Variants in NFASC observed in about 807,000 individuals in gnomAD.
NFASC encodes neurofascin homolog.
In NFASC, 43 loss-of-function variants were observed where a neutral mutation model predicts 147.5. The ratio of observed to expected loss-of-function variants is 0.29; its 90% CI spans 0.23 to 0.38. The LOEUF (loss-of-function observed/expected upper bound fraction) is 0.38. Ranked by LOEUF, NFASC falls within the 10% of genes least tolerant of loss-of-function variation. The probability of loss-of-function intolerance (pLI) is 1.00; values close to 1 mark genes in which losing one functional copy is unlikely to be tolerated. For synonymous variants in NFASC, 622 were observed against 665.5 expected, an observed-to-expected ratio of 0.93 and a Z score of 1.01; for missense variants, 1,320 against 1,689.0, an observed-to-expected ratio of 0.78 and a Z score of 3.83.
intron 2 of NFASC, among the ~76,000 whole-genome samples, chr1:204,924,258 C>T (rs1263104804): frequency 6.6e-6 from 1 of 152,162 alleles, no homozygotes; most frequent in Non-Finnish European, 1.5e-5. Flanking sequence ...TGGATCCAGA[C>T]TGATGTCTGT....
chr1:204,982,856 T>A (rs2095536226), intron 21 of NFASC, among the ~76,000 whole-genome samples: 1 of 151,752 alleles, frequency 6.6e-6, no homozygotes, highest in Non-Finnish European at 1.5e-5. Context: ...CAGTCTTGAG[T>A]GGGGGAACTT....
intron 25 of NFASC, chr1:204,998,730 TAA>T (rs59946641): frequency 0.98 from 149,108 of 152,288 alleles, 73,017 homozygotes; most frequent in East Asian, 1. Context: ...TCTTTTTCAT[TAA>T]AAAGTGGGGC....
chr1:204,997,291 T>C lies in NFASC; in HGVS notation c.2904T>C (p.Pro968=), dbSNP rs767845927. The C allele has an allele frequency of 8.7e-6, 14 of 1,608,236 alleles. No homozygotes were observed. The highest frequency in any genetic ancestry group is 1.2e-5 in the Non-Finnish European group (14 of 1,177,502). The part of the protein sequence containing the change: ...TTVPIIPTVA[P]TTIATTTTVA... ...TCCCCATCATCCCAACTGTCGCACC[T>C]ACCACCATCGCCACCACCACCACCG... The change falls in exon 25 of 30, where the codon CCT becomes CCC. Residue 968 remains proline (P), a synonymous_variant. Coordinates refer to ENST00000339876, the MANE Select transcript of NFASC (RefSeq NM_001005388.3).
intron 8 of NFASC, among the ~76,000 whole-genome samples, chr1:204,967,575 C>T (rs182076474): frequency 6.6e-6 from 1 of 152,072 alleles, no homozygotes; most frequent in Non-Finnish European, 1.5e-5. Context: ...CACCCCCTCC[C>T]CGAGCAGCTC....
intron 1 of NFASC, among the ~76,000 whole-genome samples, chr1:204,901,690 G>C (rs1572734924): frequency 6.6e-6 from 1 of 152,256 alleles, no homozygotes; most frequent in African/African-American, 2.4e-5. Context: ...AGTAGCCCGA[G>C]GGGAGAGTGG....
chr1:204,865,120 GC>G (rs1478078402), intron 1 of NFASC, among the ~76,000 whole-genome samples: 2 of 152,080 alleles, frequency 1.3e-5, no homozygotes, highest in African/African-American at 4.8e-5. Flanking sequence ...ATATATTAGT[GC>G]CCCTTTATCC....
At position 204,828,664 on chromosome 1, in the gene NFASC, G is replaced by A; in HGVS notation, c.-318G>A. ...GCCGCCCGGGGACGCGCACGGGCTG[G>A]TCTCTGCCCTAATGCGGCGGCTGGC... On this transcript the variant is annotated 5_prime_UTR_variant, in exon 1 of 30. Coordinates refer to ENST00000339876, the MANE Select transcript of NFASC (RefSeq NM_001005388.3). 1 of 985,296 alleles carries A rather than the reference G, an allele frequency of 1.0e-6. No homozygotes were observed. The highest frequency in any genetic ancestry group is 1.2e-6 in the Non-Finnish European group (1 of 829,942). The allele number at this position is 985,296 out of a possible 1,614,324, so 61.0% of individuals were successfully genotyped here.
At chr1:205,005,360 C>T (rs1002984250) in intron 27 of NFASC, among the ~76,000 whole-genome samples, 1 of 152,208 alleles carries the variant, frequency 6.6e-6, no homozygotes, top group African/African-American at 2.4e-5. Context: ...GAGCTGTCTG[C>T]TTTGCAGGTG....
At chr1:205,014,507 CCCT>C (rs2096310919) in intron 29 of NFASC, among the ~76,000 whole-genome samples, 1 of 152,204 alleles carries the variant, frequency 6.6e-6, no homozygotes, top group Non-Finnish European at 1.5e-5. Context: ...CCATGGGGCA[CCCT>C]CTGTTTTTCT....
At chr1:204,865,447 G>A (rs2077030781) in intron 1 of NFASC, among the ~76,000 whole-genome samples, 1 of 152,202 alleles carries the variant, frequency 6.6e-6, no homozygotes, top group African/African-American at 2.4e-5. Flanking sequence ...GGGGACTACT[G>A]TAGTGTGAGG....
chr1:205,011,207 ACC>A (rs10628542), intron 28 of NFASC, among the ~76,000 whole-genome samples: 1 of 143,090 alleles, frequency 7.0e-6, no homozygotes, highest in Admixed American at 7.0e-5. Context: ...CTCCCCCAGG[ACC>A]CCCCCCAAAA....
chr1:204,892,476 A>T (rs977013277), intron 1 of NFASC, among the ~76,000 whole-genome samples: 2 of 152,240 alleles, frequency 1.3e-5, no homozygotes, highest in African/African-American at 4.8e-5. Context: ...GCCCCAGTAC[A>T]GCTGGATGAT....
At chr1:204,865,319 A>G (rs2077021885) in intron 1 of NFASC, among the ~76,000 whole-genome samples, 1 of 152,244 alleles carries the variant, frequency 6.6e-6, no homozygotes. Flanking sequence ...AATAAAAGTC[A>G]TGTGAATGTA....
In NFASC at chr1:204,987,251, A is replaced by G; in HGVS notation, c.2471-167A>G. On this transcript the variant is annotated intron_variant, in intron 21 of 29. Transcript: ENST00000339876. The surrounding 1 kb of genome is among the most constrained non-coding windows in gnomAD (Gnocchi z 4.4). ...AGGAAATAGCATCCTGGATGGGGCAATGGGCTCCGGTCGTCTCACGGTTCT... is the reference window on the plus strand; with the variant it reads ...AGGAAATAGCATCCTGGATGGGGCAGTGGGCTCCGGTCGTCTCACGGTTCT... 1.6e-6 allele frequency: 1 copy of G among 636,782 alleles called. No individual in the cohort carries two copies. Among genetic ancestry groups the G allele is most frequent in the Middle Eastern group, 4.3e-4 (1 of 2,350 alleles). The allele number at this position is 636,782 out of a possible 1,614,324, so 39.4% of individuals were successfully genotyped here.
rs529227872 is a variant in NFASC at position 205,009,867 on chromosome 1, A to G, written c.3421+179A>G. 176 of 699,466 alleles carry G rather than the reference A, an allele frequency of 2.5e-4. 1 individual carries two copies. In the African/African-American group the frequency reaches 2.9e-3, roughly 11 times the overall value. 43.3% of individuals were successfully genotyped at this position (699,466 alleles called of 1,614,324 possible). A position where few individuals can be genotyped will look rare whatever the true frequency, so the allele number is the denominator to read the frequency against. ...AGACTGCCAGCGAGCACTTGAGTTAATTAAGTTCGCCTGAGTTGGGCGGAT... is the reference window on the plus strand; with the variant it reads ...AGACTGCCAGCGAGCACTTGAGTTAGTTAAGTTCGCCTGAGTTGGGCGGAT... On this transcript the variant is annotated intron_variant, in intron 28 of 29. Transcript: ENST00000339876.
chr1:204,871,037 G>A, intron 1 of NFASC: 1 of 1,289,840 alleles, frequency 7.8e-7, no homozygotes, highest in Non-Finnish European at 1.0e-6. Context: ...AGAAGACGCT[G>A]GATGAACCAG....
intron 1 of NFASC, among the ~76,000 whole-genome samples, chr1:204,831,850 C>T (rs1389861425): frequency 6.6e-6 from 1 of 152,102 alleles, no homozygotes; most frequent in African/African-American, 2.4e-5. Context: ...AGCTAGGGTC[C>T]AATCTCTCCG....
At chr1:204,873,793 C>A (rs1218745767) in intron 1 of NFASC, among the ~76,000 whole-genome samples, 1 of 152,180 alleles carries the variant, frequency 6.6e-6, no homozygotes, top group Non-Finnish European at 1.5e-5. Context: ...GTAGCTTTTA[C>A]TTCCCCTCTG....
chr1:204,844,078 G>A (rs916778583), intron 1 of NFASC, among the ~76,000 whole-genome samples: 2 of 152,182 alleles, frequency 1.3e-5, no homozygotes, highest in African/African-American at 2.4e-5. Context: ...CAATGCCAGA[G>A]TGCATGCATC....
Sources: gnomAD v4.1 joint callset for allele counts (sites outside exome capture counted in the v4.1 genomes callset) on GRCh38, gnomAD v4.1.1 for gene constraint, Gnocchi (gnomAD v3.1) non-coding constraint, MANE v1.5 for transcripts, NCBI Gene and HGNC (gene_info 2026-07-23, HGNC 2026-07-21) for gene names.